The following ZBTB20 variants were observed in gnomAD, a reference collection of about 807,000 sequenced individuals.
The protein encoded by ZBTB20 is zinc finger and BTB domain containing 20, also known as zinc finger and BTB domain-containing protein 20.
In ZBTB20, 9 loss-of-function variants were observed where a neutral mutation model predicts 56.9. The ratio of observed to expected loss-of-function variants is 0.16; its 90% confidence interval spans 0.10 to 0.28. ZBTB20 has a LOEUF of 0.28. ZBTB20 is among the 10% of genes least tolerant of loss of function. ZBTB20 has a pLI of 1.00. For synonymous variants in ZBTB20, 417 were observed against 420.7 expected (o/e 0.99, Z 0.11); for missense variants, 655 against 1,003.0 (o/e 0.65, Z 4.69).
chr3:114,554,569 A>G (rs1197894430), intron 6 of ZBTB20, among the ~76,000 whole-genome samples: 2 of 152,196 alleles, frequency 1.3e-5, no homozygotes, highest in African/African-American at 4.8e-5. Flanking sequence ...AAGACAAAAA[A>G]CAATAAATTA....
At chr3:114,801,977 T>C (rs2071754238) in intron 4 of ZBTB20, among the ~76,000 whole-genome samples, 2 of 151,920 alleles carry the variant, frequency 1.3e-5, no homozygotes, top group Non-Finnish European at 2.9e-5. Flanking sequence ...GCTTAAAATA[T>C]TATACTATTT....
At chr3:114,650,317 T>C (rs1039934554) in intron 6 of ZBTB20, among the ~76,000 whole-genome samples, 11 of 152,018 alleles carry the variant, frequency 7.2e-5, no homozygotes, top group Admixed American at 1.3e-4. Flanking sequence ...AAAATAATCT[T>C]TAGAGATCAA....
intron 4 of ZBTB20, among the ~76,000 whole-genome samples, chr3:114,851,323 A>G (rs2074988777): frequency 6.6e-6 from 1 of 152,266 alleles, no homozygotes; most frequent in Admixed American, 6.5e-5. Context: ...ACACAGGTAT[A>G]CACACATACA....
chr3:114,656,336 T>C (rs1253209592), intron 6 of ZBTB20, among the ~76,000 whole-genome samples: 1 of 152,242 alleles, frequency 6.6e-6, no homozygotes, highest in Non-Finnish European at 1.5e-5. Flanking sequence ...TCCTCAAATA[T>C]CATTTCTGTC....
intron 5 of ZBTB20, among the ~76,000 whole-genome samples, chr3:114,735,513 A>G (rs1012365677): frequency 3.3e-5 from 5 of 152,124 alleles, no homozygotes; most frequent in Non-Finnish European, 7.4e-5. Context: ...CAGTATTTTT[A>G]TACTGAGGAA....
intron 1 of ZBTB20, among the ~76,000 whole-genome samples, chr3:115,079,359 C>A (rs141625608): frequency 3.3e-4 from 49 of 150,308 alleles, no homozygotes; most frequent in African/African-American, 1.0e-3. Context: ...CAGAATTAAT[C>A]TTCAGTTCCT....
At chr3:114,348,271 G>A (rs1386176369) in intron 11 of ZBTB20, among the ~76,000 whole-genome samples, 1 of 152,134 alleles carries the variant, frequency 6.6e-6, no homozygotes, top group African/African-American at 2.4e-5. Context: ...TTCACAGATG[G>A]TCCTTCCTGC....
intron 7 of ZBTB20, among the ~76,000 whole-genome samples, chr3:114,499,908 G>A (rs2043751038): frequency 6.6e-6 from 1 of 152,188 alleles, no homozygotes; most frequent in Admixed American, 6.5e-5. Context: ...AGGGATATTA[G>A]AAATTTTGTC....
rs1488417441 is a variant in ZBTB20 at position 114,329,472 on chromosome 3, T to C, written c.*9533A>G. On this transcript the variant is annotated 3_prime_UTR_variant, in exon 12 of 12. Coordinates refer to ENST00000675478, the MANE Select transcript of ZBTB20 (RefSeq NM_001348800.3). Reference sequence around the variant, plus strand: ...GAAAATATGATCTGAAAATATTTATTGTATAGGAAGACAGAATGCCTGATT... The same window carrying C: ...GAAAATATGATCTGAAAATATTTATCGTATAGGAAGACAGAATGCCTGATT... 1 of 151,960 alleles carries C rather than the reference T, an allele frequency of 6.6e-6. No individual in the cohort carries two copies. The highest frequency in any genetic ancestry group is 1.5e-5 in the Non-Finnish European group (1 of 67,958). The allele number at this position is 151,960 out of a possible 1,614,324, so 9.4% of individuals were successfully genotyped here. A position where few individuals can be genotyped will look rare whatever the true frequency, so the allele number is the denominator to read the frequency against.
At chr3:114,960,928 C>T (rs1183286989) in intron 3 of ZBTB20, among the ~76,000 whole-genome samples, 1 of 151,952 alleles carries the variant, frequency 6.6e-6, no homozygotes, top group African/African-American at 2.4e-5. Flanking sequence ...GGGAAGAAAG[C>T]ATTGCAATAA....
intron 2 of ZBTB20, among the ~76,000 whole-genome samples, chr3:114,998,073 A>G (rs1358453917): frequency 6.6e-6 from 1 of 151,778 alleles, no homozygotes; most frequent in Admixed American, 6.6e-5. Context: ...CAAGCAAATT[A>G]ACTTCTTTTT....
intron 4 of ZBTB20, among the ~76,000 whole-genome samples, chr3:114,856,096 T>C (rs1383222810): frequency 1.3e-5 from 2 of 152,176 alleles, no homozygotes; most frequent in Non-Finnish European, 2.9e-5. Context: ...TTAACCTCTC[T>C]GGACCTCTCT....
chr3:114,592,918 A>G (rs2055926205), intron 6 of ZBTB20, among the ~76,000 whole-genome samples: 1 of 152,214 alleles, frequency 6.6e-6, no homozygotes, highest in Admixed American at 6.5e-5. Flanking sequence ...ACAGATTCAC[A>G]TACATAAATC....
intron 7 of ZBTB20, among the ~76,000 whole-genome samples, chr3:114,475,116 C>T (rs1386498349): frequency 6.6e-6 from 1 of 152,190 alleles, no homozygotes; most frequent in Non-Finnish European, 1.5e-5. Context: ...TATCTTCACA[C>T]ATTCCATGCT....
chr3:114,927,083 G>A (rs1419028849), intron 3 of ZBTB20, among the ~76,000 whole-genome samples: 1 of 152,134 alleles, frequency 6.6e-6, no homozygotes, highest in Non-Finnish European at 1.5e-5. Flanking sequence ...AAGTCAAGCT[G>A]GGGACTGCTT....
chr3:114,693,510 A>T lies in ZBTB20; in HGVS notation c.-295+18T>A, dbSNP rs1034470958. On this transcript the variant is annotated intron_variant, in intron 6 of 11. Transcript: ENST00000675478. ...CAATATTTTGGACTGCCATTTAGAG[A>T]TAATGAGAGTTACTTACCAGACAGC... 1 of 152,138 alleles carries T rather than the reference A, an allele frequency of 6.6e-6. No individual in the cohort carries two copies. Among genetic ancestry groups the T allele is most frequent in the East Asian group, 1.9e-4 (1 of 5,198 alleles). The allele number at this position is 152,138 out of a possible 1,614,324, so 9.4% of individuals were successfully genotyped here.
chr3:114,985,340 G>A (rs2078492309), intron 2 of ZBTB20, among the ~76,000 whole-genome samples: 1 of 152,004 alleles, frequency 6.6e-6, no homozygotes, highest in South Asian at 2.1e-4. Context: ...TGAATCCTAG[G>A]ATGAAAAATG....
rs752505202 is a variant in ZBTB20 at position 114,351,508 on chromosome 3, C to T, written c.570G>A (p.Thr190=). ...LQIKTVIDEC[T]RIVSQNVGDV... is the part of the protein sequence containing the mutation. ...CGCCCACGTTCTGTGACACGATGCG[C>T]GTGCACTCGTCGATGACTGTTTTGA... The change falls in exon 11 of 12, where the codon ACG becomes ACA. Residue 190 remains threonine, a synonymous_variant. Coordinates refer to ENST00000675478, the MANE Select transcript of ZBTB20 (RefSeq NM_001348800.3). 8.1e-6 allele frequency: 13 copies of T among 1,613,956 alleles called. No homozygotes were observed. The highest frequency in any genetic ancestry group is 2.2e-5 in the East Asian group (1 of 44,838).
intron 3 of ZBTB20, among the ~76,000 whole-genome samples, chr3:114,937,562 C>T (rs2076582838): frequency 6.6e-6 from 1 of 152,014 alleles, no homozygotes; most frequent in South Asian, 2.1e-4. Flanking sequence ...GCTGGGACTA[C>T]AGGCGCATCC....
Sources: allele counts gnomAD v4.1 joint callset (sites outside exome capture counted in the v4.1 genomes callset), GRCh38; gene constraint gnomAD v4.1.1; transcripts MANE v1.5; gene names NCBI Gene and HGNC (gene_info 2026-07-23, HGNC 2026-07-21).